Variants in PDS5A observed in about 807,000 individuals in gnomAD.
The protein encoded by PDS5A is PDS5 cohesin associated factor A, also known as sister chromatid cohesion protein PDS5 homolog A.
In PDS5A, 42 loss-of-function variants were observed where a neutral mutation model predicts 167.1. The ratio of observed to expected loss-of-function variants is 0.25; its 90% CI spans 0.20 to 0.33. PDS5A has a LOEUF of 0.33. Among genes scored for constraint, PDS5A ranks in the 10% least tolerant of loss-of-function variants. The pLI is 1.00. For missense variants in PDS5A, 1,033 were observed against 1,605.9 expected (o/e 0.64, Z 6.10); for synonymous variants, 553 against 554.6 (o/e 1.00, Z 0.04).
At chr4:39,867,776 C>A (rs369644156) in intron 22 of PDS5A, among the ~76,000 whole-genome samples, 1 of 134,052 alleles carries the variant, frequency 7.5e-6, no homozygotes, top group Non-Finnish European at 1.6e-5. Flanking sequence ...ACACACACAC[C>A]CCACAACTGT....
chr4:39,973,667 C>CGTATGT (rs1730786522), intron 2 of PDS5A: 1 of 1,293,292 alleles, frequency 7.7e-7, no homozygotes, highest in East Asian at 2.3e-5. Flanking sequence ...ACAAAACCAT[C>CGTATGT]GTATGTAGCT....
intron 2 of PDS5A, among the ~76,000 whole-genome samples, chr4:39,930,246 A>ATTTTTTTTT: frequency 2.1e-5 from 2 of 93,086 alleles, no homozygotes; most frequent in Non-Finnish European, 4.5e-5. Flanking sequence ...AAAAAAAAAA[A>ATTTTTTTTT]GTTTTTTTGT....
chr4:39,911,082 C>T (rs1723842738), intron 9 of PDS5A, among the ~76,000 whole-genome samples: 3 of 152,102 alleles, frequency 2.0e-5, no homozygotes, highest in Admixed American at 2.0e-4. Flanking sequence ...TGCAGTAAGC[C>T]ATAATTGTGC....
At chr4:39,886,275 C>CA (rs1721466844) in intron 17 of PDS5A, among the ~76,000 whole-genome samples, 1 of 152,172 alleles carries the variant, frequency 6.6e-6, no homozygotes, top group Non-Finnish European at 1.5e-5. Context: ...TCTCTTTCCT[C>CA]ATATTGCTTT....
chr4:39,871,638 T>A (rs1429120824), intron 21 of PDS5A, among the ~76,000 whole-genome samples: 1 of 152,238 alleles, frequency 6.6e-6, no homozygotes, highest in African/African-American at 2.4e-5. Flanking sequence ...ATCCAGCATA[T>A]CTGTGTCTTT....
chr4:39,871,948 C>T (rs1489135728), intron 21 of PDS5A, among the ~76,000 whole-genome samples: 4 of 151,996 alleles, frequency 2.6e-5, no homozygotes, highest in Non-Finnish European at 5.9e-5. Flanking sequence ...TCAGGTGATC[C>T]ACCCACCTCG....
At position 39,824,687 on chromosome 4, in the gene PDS5A, C is replaced by G. The variant is rs71606197; in HGVS notation, c.*798G>C. ...AATTCCAAATATTCCAACATAATCACAGGAGTAAAAACCATTTTAAAGTGA... is the reference window on the plus strand; with the variant it reads ...AATTCCAAATATTCCAACATAATCAGAGGAGTAAAAACCATTTTAAAGTGA... On this transcript the variant is annotated 3_prime_UTR_variant, in exon 33 of 33. Transcript: ENST00000303538. The G allele has an allele frequency of 0.011, 1,660 of 152,612 alleles. 11 individuals are homozygous for G. Among genetic ancestry groups the G allele is most frequent in the Non-Finnish European group, 0.019 (1,296 of 68,026 alleles). The allele number at this position is 152,612 out of a possible 1,614,324, so 9.5% of individuals were successfully genotyped here. A position where few individuals can be genotyped will look rare whatever the true frequency, so the allele number is the denominator to read the frequency against.
At chr4:39,891,005 A>G (rs1020644825) in intron 16 of PDS5A, among the ~76,000 whole-genome samples, 1 of 152,074 alleles carries the variant, frequency 6.6e-6, no homozygotes, top group Non-Finnish European at 1.5e-5. Flanking sequence ...TTATTTCATA[A>G]TTTGACAGAA....
chr4:39,953,148 T>G (rs1191751741), intron 2 of PDS5A, among the ~76,000 whole-genome samples: 4 of 152,210 alleles, frequency 2.6e-5, no homozygotes, highest in African/African-American at 9.6e-5. Context: ...TTTAGAGGTC[T>G]TGGTTTCTTG....
Position 39,898,012 on chromosome 4 carries a change from T to C in PDS5A, c.1770+377A>G, listed in dbSNP as rs1054574851. The C allele has an allele frequency of 8.4e-6, 8 of 951,284 alleles. No individual in the cohort carries two copies. The African/African-American group carries it at 1.4e-4, about 17-fold the overall frequency. The allele number at this position is 951,284 out of a possible 1,614,324, so 58.9% of individuals were successfully genotyped here. On this transcript the variant is annotated intron_variant, in intron 16 of 32. Transcript: ENST00000303538. ...CTTTATCTGTAAATGAAACCAGATA[T>C]ATGGCAATGTTACTACTACTAATTT...
intron 26 of PDS5A, 57 bp downstream of exon 26, chr4:39,862,162 C>A: frequency 1.6e-6 from 1 of 606,778 alleles, no homozygotes; most frequent in Non-Finnish European, 2.8e-6. Context: ...AAAAAATTTA[C>A]CATTTTTTGA....
intron 2 of PDS5A, among the ~76,000 whole-genome samples, chr4:39,947,446 A>T (rs1447455571): frequency 6.6e-6 from 1 of 151,462 alleles, no homozygotes. Flanking sequence ...AGACTGTCTG[A>T]AAGGGGGGAA....
In PDS5A at chr4:39,879,770, T is replaced by C. The variant is rs764912825; in HGVS notation, c.1950A>G (p.Val650=). The C allele has an allele frequency of 5.0e-6, 8 of 1,612,300 alleles. No individual in the cohort carries two copies. The Admixed American group carries it at 1.3e-4, about 27-fold the overall frequency. Residue 650 remains valine, a synonymous_variant, in exon 18 of 33, where the codon GTA becomes GTG. Transcript: ENST00000303538. Reference sequence around the variant, plus strand: ...CTGAACGGATAGCTGTATCTGGACTTACACCCTCCTCTTCATCATCTGCTG... The same window carrying C: ...CTGAACGGATAGCTGTATCTGGACTCACACCCTCCTCTTCATCATCTGCTG... ...EGTADDEEEG[V]SPDTAIRSGL...
At chr4:39,906,193 C>A (rs1723326517) in intron 11 of PDS5A, among the ~76,000 whole-genome samples, 1 of 152,050 alleles carries the variant, frequency 6.6e-6, no homozygotes, top group South Asian at 2.1e-4. Flanking sequence ...CATGGTGAAA[C>A]CCCGTCTCTA....
At chr4:39,836,351 T>C (rs1001172563) in intron 32 of PDS5A, among the ~76,000 whole-genome samples, 2 of 152,194 alleles carry the variant, frequency 1.3e-5, no homozygotes, top group African/African-American at 2.4e-5. Context: ...TCAGATGCCA[T>C]GAGAGGATGT....
chr4:39,882,293 T>C lies in PDS5A; in HGVS notation c.1887-2460A>G, dbSNP rs114515846. On this transcript the variant is annotated intron_variant, in intron 17 of 32. Transcript: ENST00000303538. ...TTTTAAAACTGAGTCATCTGTCTTATTGAGTAGTTCCTTATATAGCCTGGA... is the reference window on the plus strand; with the variant it reads ...TTTTAAAACTGAGTCATCTGTCTTACTGAGTAGTTCCTTATATAGCCTGGA... Among the ~76,000 whole-genome samples the C allele has an allele frequency of 6.5e-3, 991 of 152,326 alleles. 9 individuals carry two copies. Among genetic ancestry groups the C allele is most frequent in the Middle Eastern group, 0.024 (7 of 292 alleles).
intron 17 of PDS5A, among the ~76,000 whole-genome samples, chr4:39,887,899 A>G (rs1301547618): frequency 1.3e-5 from 2 of 151,998 alleles, no homozygotes; most frequent in African/African-American, 2.4e-5. Context: ...AAACAAAACA[A>G]AACAAAAAAA....
At chr4:39,887,269 T>C (rs1721555179) in intron 17 of PDS5A, among the ~76,000 whole-genome samples, 1 of 152,230 alleles carries the variant, frequency 6.6e-6, no homozygotes, top group Non-Finnish European at 1.5e-5. Context: ...GCCTTTATTA[T>C]TTTGAGGTAT....
At chr4:39,854,271 C>T (rs1024442839) in intron 26 of PDS5A, among the ~76,000 whole-genome samples, 1 of 152,158 alleles carries the variant, frequency 6.6e-6, no homozygotes, top group African/African-American at 2.4e-5. Flanking sequence ...CCACTGCACT[C>T]CAACTTGGGC....
Sources: gnomAD v4.1 joint callset for allele counts (sites outside exome capture counted in the v4.1 genomes callset) on GRCh38, gnomAD v4.1.1 for gene constraint, MANE v1.5 for transcripts, NCBI Gene and HGNC (gene_info 2026-07-23, HGNC 2026-07-21) for gene names.